Variants in RBFOX1 observed in about 807,000 individuals in gnomAD.
RBFOX1 encodes RNA binding fox-1 homolog 1.
A neutral mutation model predicts 57.7 loss-of-function variants in RBFOX1; 8 were observed. The observed-to-expected ratio is 0.14, with a 90% CI of 0.08 to 0.25. RBFOX1 has a LOEUF of 0.25. Among genes scored for constraint, RBFOX1 ranks in the 10% least tolerant of loss-of-function variants. RBFOX1 has a pLI of 1.00. For synonymous variants in RBFOX1, 326 were observed against 222.4 expected, an observed-to-expected ratio of 1.47 and a Z score of -4.15; for missense variants, 611 against 548.5, an observed-to-expected ratio of 1.11 and a Z score of -1.14.
chr16:6,723,027 G>T (rs1327485284), intron 3 of RBFOX1, among the ~76,000 whole-genome samples: 1 of 152,162 alleles, frequency 6.6e-6, no homozygotes, highest in Admixed American at 6.5e-5. Context: ...AGAGATAAGT[G>T]GAAAGGATCT....
chr16:5,477,009 GTTTA>G (rs1206681329), intron 2 of RBFOX1, among the ~76,000 whole-genome samples: 2 of 152,090 alleles, frequency 1.3e-5, no homozygotes, highest in South Asian at 2.1e-4. Context: ...CTATTTTGGT[GTTTA>G]TTTATTTATT....
intron 3 of RBFOX1, among the ~76,000 whole-genome samples, chr16:5,782,356 G>A (rs1276705984): frequency 1.3e-5 from 2 of 152,118 alleles, no homozygotes; most frequent in South Asian, 2.1e-4. Flanking sequence ...TATGATGGAG[G>A]GGACAGAAGG....
intron 2 of RBFOX1, among the ~76,000 whole-genome samples, chr16:6,555,543 A>G (rs548870751): frequency 6.6e-6 from 1 of 152,196 alleles, no homozygotes; most frequent in Admixed American, 6.5e-5. Context: ...ACTAAAAAAT[A>G]CAAAAAATTA....
At chr16:7,059,560 A>C (rs373265267) in intron 4 of RBFOX1, among the ~76,000 whole-genome samples, 1 of 152,194 alleles carries the variant, frequency 6.6e-6, no homozygotes, top group Non-Finnish European at 1.5e-5. Flanking sequence ...AAAATGTTCA[A>C]TGTGAAACTG....
At chr16:6,526,322 G>C (rs1015566837) in intron 2 of RBFOX1, among the ~76,000 whole-genome samples, 1 of 152,136 alleles carries the variant, frequency 6.6e-6, no homozygotes, top group Non-Finnish European at 1.5e-5. Context: ...TTTGCTACAT[G>C]GGAGAGGTGT....
chr16:6,654,710 C>T, intron 3 of RBFOX1, 60 bp downstream of exon 3: 2 of 1,341,488 alleles, frequency 1.5e-6, no homozygotes, highest in Non-Finnish European at 2.0e-6. Context: ...GTGAATTGAA[C>T]CCAGGTGTTT....
At chr16:7,596,032 G>A (rs1353183955) in intron 8 of RBFOX1, among the ~76,000 whole-genome samples, 1 of 150,610 alleles carries the variant, frequency 6.6e-6, no homozygotes. Flanking sequence ...GTTGAAGAGG[G>A]ATCCACAGTG....
intron 3 of RBFOX1, among the ~76,000 whole-genome samples, chr16:6,945,806 G>A (rs530828481): frequency 4.6e-5 from 7 of 152,134 alleles, no homozygotes; most frequent in Admixed American, 1.3e-4. Context: ...CGGGAGAATC[G>A]CCTGAACCCA....
chr16:5,757,080 T>C (rs529782887), intron 3 of RBFOX1, among the ~76,000 whole-genome samples: 2 of 152,346 alleles, frequency 1.3e-5, no homozygotes, highest in South Asian at 2.1e-4. Flanking sequence ...TTCAGATTCA[T>C]TGAGACCTAA....
rs187482060 is a variant in RBFOX1 at position 6,502,610 on chromosome 16, A to C, written c.-63-151993A>C. ...GAGAGAGGTCAAGGAGGGGAGGGAG[A>C]GGTGCCATCCATGGTGGATAAGTTG... On this transcript the variant is annotated intron_variant, in intron 2 of 15. Transcript: ENST00000550418. 2.0e-5 allele frequency among the ~76,000 whole-genome samples: 3 copies of C among 152,230 alleles called. 1 individual carries two copies. The East Asian group carries it at 5.8e-4, about 29-fold the overall frequency.
chr16:7,126,194 G>T (rs765764294), intron 4 of RBFOX1: 2 of 160,540 alleles, frequency 1.2e-5, no homozygotes, highest in South Asian at 1.6e-4. Context: ...TCCCCACCCT[G>T]TCTGGCACAG....
chr16:5,607,506 C>T (rs529168292), intron 3 of RBFOX1, among the ~76,000 whole-genome samples: 49 of 152,198 alleles, frequency 3.2e-4, no homozygotes, highest in Non-Finnish European at 5.9e-4. Flanking sequence ...CCTGGAGTCA[C>T]GGTGATGATA....
At chr16:7,308,764 C>T (rs771054714) in intron 4 of RBFOX1, among the ~76,000 whole-genome samples, 13 of 152,182 alleles carry the variant, frequency 8.5e-5, no homozygotes, top group Middle Eastern at 3.2e-3. Context: ...GATGGGCTCT[C>T]GCGCGAAGGC....
chr16:7,691,928 T>C (rs987136375), intron 14 of RBFOX1, among the ~76,000 whole-genome samples: 2 of 152,162 alleles, frequency 1.3e-5, no homozygotes, highest in African/African-American at 2.4e-5. Context: ...ATAGAGGTTA[T>C]TCTAAGTGCC....
intron 3 of RBFOX1, among the ~76,000 whole-genome samples, chr16:6,760,230 C>G (rs2076413622): frequency 6.6e-6 from 1 of 152,180 alleles, no homozygotes; most frequent in Non-Finnish European, 1.5e-5. Flanking sequence ...TTCCTCATGT[C>G]TTTAAGCAGG....
intron 3 of RBFOX1, among the ~76,000 whole-genome samples, chr16:6,880,041 T>C (rs1238962063): frequency 6.6e-6 from 1 of 152,222 alleles, no homozygotes; most frequent in Non-Finnish European, 1.5e-5. Flanking sequence ...CCTCCATCCA[T>C]GCAAGTAAAT....
intron 4 of RBFOX1, among the ~76,000 whole-genome samples, chr16:5,884,866 G>C (rs2057858152): frequency 6.6e-6 from 1 of 152,136 alleles, no homozygotes; most frequent in African/African-American, 2.4e-5. Context: ...TGTGGCACGA[G>C]CTTGGAGTGT....
At chr16:6,358,661 T>G (rs949381239) in intron 2 of RBFOX1, among the ~76,000 whole-genome samples, 5 of 152,224 alleles carry the variant, frequency 3.3e-5, no homozygotes, top group Admixed American at 6.5e-5. Context: ...TTCATTTCAC[T>G]TACCCTAATG....
intron 1 of RBFOX1, among the ~76,000 whole-genome samples, chr16:6,047,083 G>C (rs2095503142): frequency 6.6e-6 from 1 of 152,218 alleles, no homozygotes; most frequent in Non-Finnish European, 1.5e-5. Context: ...AAGAAACACA[G>C]AGGATGCATT....
Sources: allele counts gnomAD v4.1 joint callset (sites outside exome capture counted in the v4.1 genomes callset), GRCh38; gene constraint gnomAD v4.1.1; transcripts MANE v1.5; gene names NCBI Gene and HGNC (gene_info 2026-07-23, HGNC 2026-07-21).